The following IQCM variants were observed in gnomAD, a reference collection of about 807,000 sequenced individuals.
IQCM encodes the protein IQ domain-containing protein M.
Under a neutral mutation model 57.6 loss-of-function variants are expected in IQCM, and 45 were observed. That is an observed-to-expected ratio of 0.78 (90% confidence interval 0.62 to 1.00). The LOEUF is 1.00. Ranked by LOEUF, IQCM falls within the 50% of genes least tolerant of loss-of-function variation. The probability of loss-of-function intolerance (pLI) is 0.00; values close to 1 mark genes in which losing one functional copy is unlikely to be tolerated. For missense variants in IQCM, 468 were observed against 511.6 expected (o/e 0.91, Z 0.82); for synonymous variants, 148 against 158.9 (o/e 0.93, Z 0.51).
chr4:149,440,993 C>T (rs1735885648), intron 12 of IQCM, among the ~76,000 whole-genome samples: 1 of 152,060 alleles, frequency 6.6e-6, no homozygotes, highest in Non-Finnish European at 1.5e-5. Flanking sequence ...TGTACAATTT[C>T]CTGGCCCTGA....
At chr4:149,670,652 T>G (rs1026860120) in intron 7 of IQCM, among the ~76,000 whole-genome samples, 1 of 152,196 alleles carries the variant, frequency 6.6e-6, no homozygotes, top group Admixed American at 6.5e-5. Flanking sequence ...ATATGTCCCA[T>G]GAATACCTAG....
intron 2 of IQCM, among the ~76,000 whole-genome samples, chr4:149,776,385 C>G (rs1771093981): frequency 1.3e-5 from 2 of 152,256 alleles, no homozygotes; most frequent in South Asian, 4.1e-4. Context: ...TCTAAGGTCA[C>G]ATAGCTAATA....
At position 149,800,392 on chromosome 4, in the gene IQCM, T is replaced by C. The variant is rs561230744; in HGVS notation, c.-49+14919A>G. 2.0e-5 allele frequency among the ~76,000 whole-genome samples: 3 copies of C among 152,092 alleles called. No homozygotes were observed. The South Asian group carries it at 6.2e-4, about 32-fold the overall frequency. ...TATGACAGACTCACAGCTAGAATCA[T>C]ACAGAGTGGGGAAAAACTGAAACCC... On this transcript the variant is annotated intron_variant, in intron 2 of 13. Coordinates refer to ENST00000636793, the MANE Select transcript of IQCM (RefSeq NM_001363507.2).
intron 2 of IQCM, among the ~76,000 whole-genome samples, chr4:149,802,801 A>G (rs1773721404): frequency 6.6e-6 from 1 of 151,970 alleles, no homozygotes; most frequent in South Asian, 2.1e-4. Flanking sequence ...ATATTTCCTA[A>G]AAGTTCTTTA....
intron 5 of IQCM, among the ~76,000 whole-genome samples, chr4:149,722,157 C>G (rs538617878): frequency 6.6e-6 from 1 of 151,918 alleles, no homozygotes; most frequent in Admixed American, 6.6e-5. Flanking sequence ...CTTCTCCTTG[C>G]TGATTTGTTT....
chr4:149,609,531 C>T (rs1202082931), intron 8 of IQCM, among the ~76,000 whole-genome samples: 2 of 151,778 alleles, frequency 1.3e-5, no homozygotes, highest in Non-Finnish European at 2.9e-5. Flanking sequence ...TTAAAAGAAT[C>T]ATTCATCATG....
chr4:149,396,383 T>A (rs1480179677), intron 13 of IQCM, among the ~76,000 whole-genome samples: 1 of 151,568 alleles, frequency 6.6e-6, no homozygotes, highest in Non-Finnish European at 1.5e-5. Flanking sequence ...ACCATAATTT[T>A]AAAAAAAGAA....
rs111468584 is a variant in IQCM at position 149,423,694 on chromosome 4, A to G, written c.1390+9702T>C. Among the ~76,000 whole-genome samples, 1,283 of 152,042 alleles carry G rather than the reference A, an allele frequency of 8.4e-3. 23 individuals are homozygous for G. Among genetic ancestry groups the G allele is most frequent in the African/African-American group, 0.028 (1,148 of 41,480 alleles). ...TTTTATTGTGGTTAATTATTTATAT[A>G]TATCTTTTACCCAGTCTAAACCAAT... is the stretch of plus-strand genomic sequence containing the variant. On this transcript the variant is annotated intron_variant, in intron 13 of 13. Transcript: ENST00000636793.
At chr4:149,397,211 AC>A (rs1732290369) in intron 13 of IQCM, among the ~76,000 whole-genome samples, 1 of 150,636 alleles carries the variant, frequency 6.6e-6, no homozygotes, top group Admixed American at 6.6e-5. Context: ...ACACTTAACA[AC>A]TTTTTCTTTT....
intron 13 of IQCM, among the ~76,000 whole-genome samples, chr4:149,352,956 T>A (rs11943686): frequency 0.28 from 42,858 of 151,962 alleles, 6,180 homozygotes; most frequent in Middle Eastern, 0.33. Context: ...GCTGCCAAAA[T>A]CCAGTTAAAA....
intron 7 of IQCM, among the ~76,000 whole-genome samples, chr4:149,680,663 T>A (rs2150201257): frequency 6.6e-6 from 1 of 151,510 alleles, no homozygotes; most frequent in South Asian, 2.1e-4. Context: ...AAGTTATGGT[T>A]CAATTAATAA....
chr4:149,357,325 G>C (rs112805588), intron 13 of IQCM, among the ~76,000 whole-genome samples: 11 of 152,244 alleles, frequency 7.2e-5, no homozygotes, highest in Non-Finnish European at 1.5e-4. Context: ...TCTTGTGCCA[G>C]TTTTCAAAGG....
intron 12 of IQCM, among the ~76,000 whole-genome samples, chr4:149,475,247 C>T (rs1451839109): frequency 6.6e-6 from 1 of 152,026 alleles, no homozygotes; most frequent in Non-Finnish European, 1.5e-5. Context: ...CATAGGTTTT[C>T]CTGACAGATT....
chr4:149,576,157 C>T (rs1751626370), intron 9 of IQCM, among the ~76,000 whole-genome samples: 1 of 151,590 alleles, frequency 6.6e-6, no homozygotes, highest in Admixed American at 6.6e-5. Flanking sequence ...TTCTTTCCAA[C>T]TTTTCAGGTT....
chr4:149,537,800 TAGA>T (rs1293436640), intron 12 of IQCM, among the ~76,000 whole-genome samples: 1 of 151,814 alleles, frequency 6.6e-6, no homozygotes, highest in Non-Finnish European at 1.5e-5. Context: ...CAGAAGGCAG[TAGA>T]AGGATATATT....
intron 8 of IQCM, among the ~76,000 whole-genome samples, chr4:149,588,838 A>C (rs768078530): frequency 3.9e-5 from 6 of 151,952 alleles, no homozygotes; most frequent in Non-Finnish European, 7.4e-5. Context: ...CAAATAAAAC[A>C]GTAGTTCTAA....
At chr4:149,508,512 C>T (rs1744065201) in intron 12 of IQCM, among the ~76,000 whole-genome samples, 1 of 152,176 alleles carries the variant, frequency 6.6e-6, no homozygotes, top group African/African-American at 2.4e-5. Flanking sequence ...GACTGCCCCA[C>T]TGGATTTCAG....
chr4:149,392,351 G>A (rs1731922013), intron 13 of IQCM, among the ~76,000 whole-genome samples: 1 of 151,976 alleles, frequency 6.6e-6, no homozygotes, highest in Admixed American at 6.6e-5. Context: ...TAGCTAGCCA[G>A]TGGTGATTTG....
chr4:149,700,350 C>A (rs1763673432), intron 5 of IQCM, among the ~76,000 whole-genome samples: 1 of 151,950 alleles, frequency 6.6e-6, no homozygotes, highest in African/African-American at 2.4e-5. Context: ...TTTGAGTTCT[C>A]ACTCTCTTCT....
Sources: allele counts gnomAD v4.1 joint callset (sites outside exome capture counted in the v4.1 genomes callset), GRCh38; gene constraint gnomAD v4.1.1; transcripts MANE v1.5; gene names NCBI Gene and HGNC (gene_info 2026-07-23, HGNC 2026-07-21).